B4GALNT3: variants seen among roughly 807,000 people sequenced by gnomAD.
B4GALNT3 encodes the protein beta-1,4-N-acetyl-galactosaminyltransferase 3.
B4GALNT3 carries 86 observed loss-of-function variants against 120.2 expected under a neutral mutation model. That is an observed-to-expected ratio of 0.72 (90% CI 0.60 to 0.86). The LOEUF (loss-of-function observed/expected upper bound fraction) is 0.86, where lower values mean the gene tolerates loss of function less well. Among genes scored for constraint, B4GALNT3 ranks in the 40% least tolerant of loss-of-function variants. The probability of loss-of-function intolerance (pLI) is 0.00; values close to 1 mark genes in which losing one functional copy is unlikely to be tolerated. For synonymous variants in B4GALNT3, 518 were observed against 510.4 expected (o/e 1.01, Z -0.20); for missense variants, 1,167 against 1,298.9 (o/e 0.90, Z 1.56).
chr12:517,756 T>C (rs976474679), intron 1 of B4GALNT3, among the ~76,000 whole-genome samples: 4 of 152,122 alleles, frequency 2.6e-5, no homozygotes, highest in African/African-American at 9.7e-5. Flanking sequence ...AGCAGGGCTG[T>C]GCCATGGGGA....
chr12:518,254 A>G (rs369580768), intron 1 of B4GALNT3, among the ~76,000 whole-genome samples: 10 of 152,158 alleles, frequency 6.6e-5, no homozygotes, highest in South Asian at 2.1e-4. Flanking sequence ...CCCATCTTCA[A>G]TCATCCACTC....
intron 1 of B4GALNT3, among the ~76,000 whole-genome samples, chr12:531,907 T>C (rs557334644): frequency 2.6e-5 from 4 of 152,306 alleles, no homozygotes; most frequent in African/African-American, 7.2e-5. Flanking sequence ...AGAAGTTAAA[T>C]TGTTCAAGCA....
At chr12:473,069 A>T (rs1394942033) in intron 1 of B4GALNT3, among the ~76,000 whole-genome samples, 1 of 151,684 alleles carries the variant, frequency 6.6e-6, no homozygotes, top group Non-Finnish European at 1.5e-5. Flanking sequence ...CTTCAGCTTA[A>T]GCAATCCTCC....
chr12:515,268 C>T (rs1451786693), intron 1 of B4GALNT3, among the ~76,000 whole-genome samples: 6 of 152,134 alleles, frequency 3.9e-5, no homozygotes, highest in African/African-American at 7.2e-5. Flanking sequence ...TTACTGCAAC[C>T]TCCACCTCCC....
intron 1 of B4GALNT3, among the ~76,000 whole-genome samples, chr12:525,231 C>T (rs1160064126): frequency 6.6e-6 from 1 of 152,094 alleles, no homozygotes; most frequent in Non-Finnish European, 1.5e-5. Flanking sequence ...GCCTCAGCCT[C>T]CCGAATAGCT....
chr12:539,035 G>A (rs1484086537), intron 3 of B4GALNT3, among the ~76,000 whole-genome samples: 1 of 152,210 alleles, frequency 6.6e-6, no homozygotes, highest in African/African-American at 2.4e-5. Flanking sequence ...TGCTAAAGGT[G>A]AGCAAGGGCA....
chr12:467,944 A>G (rs2120422378), intron 1 of B4GALNT3, among the ~76,000 whole-genome samples: 1 of 152,354 alleles, frequency 6.6e-6, no homozygotes, highest in South Asian at 2.1e-4. Flanking sequence ...CGTGTTGGTT[A>G]CTAGGAAGCT....
At position 536,486 on chromosome 12, in the gene B4GALNT3, T is replaced by A. The variant is rs143758988; in HGVS notation, c.351+191T>A. 1.7e-3 allele frequency among the ~76,000 whole-genome samples: 257 copies of A among 152,310 alleles called. 3 individuals carry two copies. Among genetic ancestry groups the A allele is most frequent in the East Asian group, 7.5e-3 (39 of 5,190 alleles). ...ACTTTCTACTAGTGAATTAAAAAAATTTTTAAATTATTTATTCAGTTAGTT... is the reference window on the plus strand; with the variant it reads ...ACTTTCTACTAGTGAATTAAAAAAAATTTTAAATTATTTATTCAGTTAGTT... On this transcript the variant is annotated intron_variant, in intron 3 of 19. Coordinates refer to ENST00000266383, the MANE Select transcript of B4GALNT3 (RefSeq NM_173593.4).
intron 12 of B4GALNT3, 66 bp from the exon 13 acceptor site, chr12:552,401 C>T (rs1341754868): frequency 2.0e-6 from 3 of 1,501,712 alleles, no homozygotes; most frequent in Non-Finnish European, 2.8e-6. Flanking sequence ...GCTGAGACTT[C>T]CAGCAGAGCC....
intron 1 of B4GALNT3, among the ~76,000 whole-genome samples, chr12:500,865 C>CTTTTTTTTTTGTTTTTTTTTTTTGT (rs1946433571): frequency 1.6e-5 from 1 of 61,830 alleles, no homozygotes; most frequent in African/African-American, 7.5e-5. Context: ...GGCTCCACTG[C>CTTTTTTTTTTGTTTTTTTTTTTTGT]TTTTTTTTTT....
intron 1 of B4GALNT3, among the ~76,000 whole-genome samples, chr12:520,085 T>C (rs1946692463): frequency 6.6e-6 from 1 of 152,156 alleles, no homozygotes; most frequent in African/African-American, 2.4e-5. Flanking sequence ...TAGACCTGGA[T>C]CGACGCGCTG....
At chr12:488,271 G>C (rs1233278132) in intron 1 of B4GALNT3, among the ~76,000 whole-genome samples, 1 of 152,154 alleles carries the variant, frequency 6.6e-6, no homozygotes, top group African/African-American at 2.4e-5. Flanking sequence ...CAGTAGACCT[G>C]CCTTGCAAGA....
chr12:555,767 T>C (rs1017407418), intron 14 of B4GALNT3, among the ~76,000 whole-genome samples: 3 of 151,630 alleles, frequency 2.0e-5, no homozygotes, highest in Admixed American at 6.6e-5. Context: ...TTTCATTGTG[T>C]TTTATTTATT....
At chr12:552,018 A>G (rs749704322) in intron 11 of B4GALNT3, 45 bp from the exon 12 acceptor site, 1 of 1,431,416 alleles carries the variant, frequency 7.0e-7, no homozygotes. Flanking sequence ...ATTTCTTACC[A>G]AGATCTCACT....
At position 531,183 on chromosome 12, in the gene B4GALNT3, C is replaced by T. The variant is rs1946803276; in HGVS notation, c.170-3983C>T. On this transcript the variant is annotated intron_variant, in intron 1 of 19. Coordinates refer to ENST00000266383, the MANE Select transcript of B4GALNT3 (RefSeq NM_173593.4). ...GCAAGGATACAGGAAGAGGAAATATCCCAATGCACAGCACAGCGCCTGACA... is the reference window on the plus strand; with the variant it reads ...GCAAGGATACAGGAAGAGGAAATATTCCAATGCACAGCACAGCGCCTGACA... Among the ~76,000 whole-genome samples the T allele has an allele frequency of 2.6e-5, 4 of 152,088 alleles. No homozygotes were observed. In the South Asian group the frequency reaches 8.3e-4, roughly 32 times the overall value.
intron 1 of B4GALNT3, 136 bp from the exon 2 acceptor site, chr12:535,030 C>T (rs1946844179): frequency 3.0e-6 from 2 of 665,330 alleles, no homozygotes; most frequent in African/African-American, 1.8e-5. Flanking sequence ...GCCCCCAGCC[C>T]AGCCCTCTTC....
At chr12:527,981 G>T (rs1237283102) in intron 1 of B4GALNT3, among the ~76,000 whole-genome samples, 1 of 151,922 alleles carries the variant, frequency 6.6e-6, no homozygotes, top group Admixed American at 6.6e-5. Flanking sequence ...TTGGAGAGGG[G>T]ATAGGGGAAC....
At chr12:560,368 C>T (rs531066039) in intron 19 of B4GALNT3, among the ~76,000 whole-genome samples, 50 of 152,282 alleles carry the variant, frequency 3.3e-4, no homozygotes, top group East Asian at 9.6e-4. Context: ...CATCCACATC[C>T]GTTACCTCGT....
In B4GALNT3 at chr12:460,582, T is replaced by C; in HGVS notation, c.169+37T>C. On this transcript the variant is annotated intron_variant, in intron 1 of 19. Transcript: ENST00000266383. This position sits in a 1 kb window ranked among gnomAD's most constrained non-coding sequence, Gnocchi z 8.0. ...CCAGGGGAGGCGAAGGGCGCGGGGG[T>C]GGGCGGCGGCGGCGGCTCCTGCGTT... The C allele has an allele frequency of 7.5e-7, 1 of 1,335,518 alleles. No homozygotes were observed. Among genetic ancestry groups the C allele is most frequent in the Admixed American group, 3.1e-5 (1 of 32,032 alleles). The allele number at this position is 1,335,518 out of a possible 1,614,324, so 82.7% of individuals were successfully genotyped here. A position where few individuals can be genotyped will look rare whatever the true frequency, so the allele number is the denominator to read the frequency against.
Sources: gnomAD v4.1 joint callset for allele counts (sites outside exome capture counted in the v4.1 genomes callset) on GRCh38, gnomAD v4.1.1 for gene constraint, Gnocchi (gnomAD v3.1) non-coding constraint, MANE v1.5 for transcripts, NCBI Gene and HGNC (gene_info 2026-07-23, HGNC 2026-07-21) for gene names.